CENPF: variants seen among roughly 807,000 people sequenced by gnomAD.
CENPF encodes the protein AH antigen.
In CENPF, 214 loss-of-function variants were observed where a neutral mutation model predicts 307.3. The observed-to-expected ratio is 0.70, with a 90% CI of 0.62 to 0.78. The LOEUF is 0.78. CENPF is among the 30% of genes least tolerant of loss of function. The probability of loss-of-function intolerance (pLI) is 0.00; values close to 1 mark genes in which losing one functional copy is unlikely to be tolerated. For missense variants in CENPF, 3,401 were observed against 3,483.9 expected (o/e 0.98, Z 0.60); for synonymous variants, 1,259 against 1,270.6 (o/e 0.99, Z 0.19).
chr1:214,606,535 C>T (rs2102522608), intron 1 of CENPF, among the ~76,000 whole-genome samples: 1 of 152,322 alleles, frequency 6.6e-6, no homozygotes, highest in African/African-American at 2.4e-5. Context: ...CAGCCCTTGC[C>T]CACCCCCTTG....
chr1:214,617,652 G>T (rs891110726), intron 3 of CENPF, among the ~76,000 whole-genome samples: 2 of 152,000 alleles, frequency 1.3e-5, no homozygotes, highest in African/African-American at 4.8e-5. Flanking sequence ...GCATTATATT[G>T]ATTTAATTTT....
At chr1:214,619,057 C>T (rs554011682) in intron 4 of CENPF, 72 bp from the exon 5 acceptor site, 49 of 777,602 alleles carry the variant, frequency 6.3e-5, no homozygotes, top group Admixed American at 3.5e-4. Flanking sequence ...CTATCAAAAT[C>T]GTTGTTGATC....
Position 214,613,926 on chromosome 1 carries a change from A to C in CENPF, c.162+10A>C. 1 of 1,600,750 alleles carries C rather than the reference A, an allele frequency of 6.2e-7. No homozygotes were observed. The highest frequency in any genetic ancestry group is 8.5e-7 in the Non-Finnish European group (1 of 1,176,022). ...GAAGCAAAAACAGAAGGTACCCCTG[A>C]AGCTCTGGTATTTGTAGCTGTTCAC... On this transcript the variant is annotated intron_variant, in intron 2 of 19. Transcript: ENST00000366955.
chr1:214,656,588 T>C (rs1299140402), intron 17 of CENPF, among the ~76,000 whole-genome samples: 1 of 152,166 alleles, frequency 6.6e-6, no homozygotes, highest in Non-Finnish European at 1.5e-5. Flanking sequence ...GTAGACAGAA[T>C]GGACTGGGGA....
intron 19 of CENPF, among the ~76,000 whole-genome samples, chr1:214,663,049 AG>A (rs1234020152): frequency 2.0e-5 from 3 of 152,170 alleles, no homozygotes; most frequent in African/African-American, 7.2e-5. Flanking sequence ...GATGTTTGAG[AG>A]GGGATTTATT....
chr1:214,646,263 G>A lies in CENPF; in HGVS notation c.6693G>A (p.Lys2231=). 6.2e-7 allele frequency: 1 copy of A among 1,614,086 alleles called. No individual in the cohort carries two copies. Among genetic ancestry groups the A allele is most frequent in the Non-Finnish European group, 8.5e-7 (1 of 1,180,018 alleles). The change falls in exon 13 of 20, where the codon AAG becomes AAA. Residue 2231 remains lysine (K), a synonymous_variant. Transcript: ENST00000366955. ...AAGGTCAGTTGTCAGAACTAGACAA[G>A]TTACTCTCTTCATTTAAAAGTCTGT... ...EKQGQLSELD[K]LLSSFKSLLE... is the part of the protein sequence containing the mutation.
chr1:214,646,702 C>A lies in CENPF; in HGVS notation c.7132C>A (p.Gln2378Lys). ...AAAAGCAAAAATAGAAGGGATGACCCAAAGTCTGAGAGGTCTGGAATTAGA... is the reference window on the plus strand; with the variant it reads ...AAAAGCAAAAATAGAAGGGATGACCAAAAGTCTGAGAGGTCTGGAATTAGA... The part of the protein sequence containing the change: ...TLKAKIEGMT[Q>K]SLRGLELDVV... The change falls in exon 13 of 20, where the codon CAA becomes AAA. Residue 2378 changes from glutamine (Q) to lysine (K), a missense_variant. By Grantham distance (53) the Gln-to-Lys change is moderately conservative (BLOSUM62 1). Coordinates refer to ENST00000366955, the MANE Select transcript of CENPF (RefSeq NM_016343.4). 1 of 1,613,824 alleles carries A rather than the reference C, an allele frequency of 6.2e-7. No individual in the cohort carries two copies. The highest frequency in any genetic ancestry group is 1.1e-5 in the South Asian group (1 of 91,036).
At chr1:214,632,733 T>A (rs1657845016) in intron 10 of CENPF, 131 bp downstream of exon 10, 1 of 962,678 alleles carries the variant, frequency 1.0e-6, no homozygotes, top group Non-Finnish European at 1.4e-6. Flanking sequence ...TCACCAGAAG[T>A]AAGTATTACA....
intron 12 of CENPF, among the ~76,000 whole-genome samples, chr1:214,644,344 C>G (rs1402021325): frequency 6.6e-6 from 1 of 152,178 alleles, no homozygotes; most frequent in Non-Finnish European, 1.5e-5. Context: ...AATGCCTAAC[C>G]CCAGTGTCTT....
At chr1:214,638,830 A>C (rs1242501492) in intron 11 of CENPF, among the ~76,000 whole-genome samples, 2 of 152,202 alleles carry the variant, frequency 1.3e-5, no homozygotes, top group African/African-American at 4.8e-5. Context: ...ACAAAAACCC[A>C]ATCTTCCCAA....
At chr1:214,660,031 G>A (rs1219327327) in intron 19 of CENPF, among the ~76,000 whole-genome samples, 1 of 152,170 alleles carries the variant, frequency 6.6e-6, no homozygotes, top group Non-Finnish European at 1.5e-5. Context: ...AAGTGAGCAA[G>A]CACGTTCTTA....
Position 214,614,904 on chromosome 1 carries a change from C to A in CENPF, c.235C>A (p.Leu79Met). ...AAGATTGATGGAAATATGTGAAAGT[C>A]TGGAGAAAACTAAGCAGAAGATTTC... is the stretch of plus-strand genomic sequence containing the variant. ...NQRLMEICES[L>M]EKTKQKISHE... The change falls in exon 3 of 20, where the codon CTG (leucine) becomes ATG (methionine). Residue 79 changes from leucine to methionine, a missense_variant. Transcript: ENST00000366955. 6.2e-7 allele frequency: 1 copy of A among 1,609,766 alleles called. No individual in the cohort carries two copies. Among genetic ancestry groups the A allele is most frequent in the South Asian group, 1.1e-5 (1 of 90,038 alleles).
At chr1:214,653,759 A>G (rs1571726797) in intron 16 of CENPF, 1 of 152,334 alleles carries the variant, frequency 6.6e-6, no homozygotes, top group East Asian at 1.9e-4. Context: ...TACAACTATC[A>G]AGGTAAAGGA....
rs772892382 is a variant in CENPF, at chr1:214,642,980, G to A, written c.4642G>A (p.Gly1548Ser). The A allele has an allele frequency of 1.9e-6, 3 of 1,610,612 alleles. No homozygotes were observed. In the Admixed American group the frequency reaches 5.1e-5, roughly 27 times the overall value. Residue 1548 changes from glycine (G) to serine (S), a missense_variant, in exon 12 of 20, where the codon GGT (glycine) becomes AGT (serine). Transcript: ENST00000366955. ...RKETPSAPAKGVEELESLCEV... is the reference protein window; with the variant it reads ...RKETPSAPAKSVEELESLCEV... ...AGAAACCCCTTCGGCCCCAGCGAAGGGTGTTGAAGAGCTTGAGTCCCTCTG... is the reference window on the plus strand; with the variant it reads ...AGAAACCCCTTCGGCCCCAGCGAAGAGTGTTGAAGAGCTTGAGTCCCTCTG...
In CENPF at chr1:214,614,849, C is replaced by CG; in HGVS notation, c.181dup (p.Glu61GlyfsTer17). 6.4e-7 allele frequency: 1 copy of CG among 1,573,862 alleles called. No individual in the cohort carries two copies. Among genetic ancestry groups the CG allele is most frequent in the Non-Finnish European group, 8.6e-7 (1 of 1,164,178 alleles). ...CTCATTAGGTTGAAAATGAAAAAAC[C>CG]GAGGGTACAAACCTGAAAAGGGAGA... On this transcript the variant is annotated frameshift_variant, in exon 3 of 20. Transcript: ENST00000366955. LOFTEE classifies it high-confidence loss of function.
intron 7 of CENPF, among the ~76,000 whole-genome samples, chr1:214,624,334 G>A (rs1657595153): frequency 6.6e-6 from 1 of 152,002 alleles, no homozygotes; most frequent in African/African-American, 2.4e-5. Context: ...GTCTGAAAGA[G>A]ACTGTGTAGA....
At chr1:214,630,419 T>C in intron 8 of CENPF, 115 bp from the exon 9 acceptor site, 1 of 1,280,490 alleles carries the variant, frequency 7.8e-7, no homozygotes, top group Non-Finnish European at 1.1e-6. Context: ...TTGGCTCAGC[T>C]CCCTGCTGTC....
At chr1:214,623,987 T>G (rs1571702641) in intron 7 of CENPF, among the ~76,000 whole-genome samples, 1 of 152,192 alleles carries the variant, frequency 6.6e-6, no homozygotes, top group Admixed American at 6.5e-5. Context: ...GCAGGTTCTT[T>G]CATTTGTTTA....
chr1:214,613,927 A>C lies in CENPF; in HGVS notation c.162+11A>C. 6.2e-7 allele frequency: 1 copy of C among 1,600,842 alleles called. No homozygotes were observed. Among genetic ancestry groups the C allele is most frequent in the Non-Finnish European group, 8.5e-7 (1 of 1,176,038 alleles). On this transcript the variant is annotated intron_variant, in intron 2 of 19. Coordinates refer to ENST00000366955, the MANE Select transcript of CENPF (RefSeq NM_016343.4). Reference sequence around the variant, plus strand: ...AAGCAAAAACAGAAGGTACCCCTGAAGCTCTGGTATTTGTAGCTGTTCACT... The same window carrying C: ...AAGCAAAAACAGAAGGTACCCCTGACGCTCTGGTATTTGTAGCTGTTCACT...
Sources: allele counts gnomAD v4.1 joint callset (sites outside exome capture counted in the v4.1 genomes callset), GRCh38; gene constraint gnomAD v4.1.1; transcripts MANE v1.5; gene names NCBI Gene and HGNC (gene_info 2026-07-23, HGNC 2026-07-21).